MPP7: variants seen among roughly 807,000 people sequenced by gnomAD.
The protein encoded by MPP7 is MAGUK p55 scaffold protein 7, also known as MAGUK p55 subfamily member 7.
Under a neutral mutation model 76.5 loss-of-function variants are expected in MPP7, and 60 were observed. That is an observed-to-expected ratio of 0.78 (90% CI 0.64 to 0.97). The LOEUF (loss-of-function observed/expected upper bound fraction) is 0.97. Ranked by LOEUF, MPP7 falls within the 50% of genes least tolerant of loss-of-function variation. The probability of loss-of-function intolerance (pLI) is 0.00; values close to 1 mark genes in which losing one functional copy is unlikely to be tolerated. For missense variants in MPP7, 641 were observed against 694.0 expected (o/e 0.92, Z 0.86); for synonymous variants, 237 against 244.5 (o/e 0.97, Z 0.29).
intron 1 of MPP7, among the ~76,000 whole-genome samples, chr10:28,244,899 T>G (rs927280250): frequency 1.3e-5 from 2 of 152,114 alleles, no homozygotes; most frequent in Non-Finnish European, 2.9e-5. Context: ...TTGCAGGCAA[T>G]GAACTCATTC....
chr10:28,118,228 T>C lies in MPP7; in HGVS notation c.952+1423A>G, dbSNP rs566713976. The C allele has an allele frequency of 1.1e-4, 104 of 985,258 alleles. No individual in the cohort carries two copies. In the South Asian group the frequency reaches 1.9e-3, roughly 18 times the overall value. The allele number at this position is 985,258 out of a possible 1,614,324, so 61.0% of individuals were successfully genotyped here. On this transcript the variant is annotated intron_variant, in intron 11 of 16. Transcript: ENST00000683449. ...CACCTCACCTTCCTATGCATCTATA[T>C]AGAAACCAGTTTGAAAGAGCTATTA... is the stretch of plus-strand genomic sequence containing the variant.
chr10:28,240,055 G>A (rs1839213993), intron 1 of MPP7, among the ~76,000 whole-genome samples: 1 of 152,050 alleles, frequency 6.6e-6, no homozygotes, highest in Non-Finnish European at 1.5e-5. Context: ...AGGCCATCTG[G>A]TTTAAATTTG....
At chr10:28,217,537 A>AAAAAAAAAAAG (rs1554852920) in intron 2 of MPP7, among the ~76,000 whole-genome samples, 2 of 138,166 alleles carry the variant, frequency 1.4e-5, no homozygotes, top group Non-Finnish European at 3.1e-5. Flanking sequence ...AAAAAAAAAA[A>AAAAAAAAAAAG]AAAAGAAAAG....
Position 28,053,968 on chromosome 10 carries a change from A to G in MPP7, c.*97T>C, listed in dbSNP as rs184421869. The G allele has an allele frequency of 2.3e-3, 2,059 of 893,962 alleles. 7 individuals are homozygous for G. Among genetic ancestry groups the G allele is most frequent in the Non-Finnish European group, 3.1e-3 (1,746 of 555,106 alleles). The allele number at this position is 893,962 out of a possible 1,614,324, so 55.4% of individuals were successfully genotyped here. A position where few individuals can be genotyped will look rare whatever the true frequency, so the allele number is the denominator to read the frequency against. ...CAACTTGAACCAAGATTGTACATCTATGACAGTGATATAGATTTAAAAACC... is the reference window on the plus strand; with the variant it reads ...CAACTTGAACCAAGATTGTACATCTGTGACAGTGATATAGATTTAAAAACC... On this transcript the variant is annotated 3_prime_UTR_variant, in exon 17 of 17. Coordinates refer to ENST00000683449, the MANE Select transcript of MPP7 (RefSeq NM_001318170.2).
chr10:28,165,641 C>A (rs7101051), intron 3 of MPP7, among the ~76,000 whole-genome samples: 24,332 of 151,950 alleles, frequency 0.16, 2,268 homozygotes, highest in East Asian at 0.37. Flanking sequence ...CACATCAAAC[C>A]TGAAAAAACA....
intron 2 of MPP7, among the ~76,000 whole-genome samples, chr10:28,220,367 C>A (rs16928617): frequency 2.0e-5 from 3 of 152,062 alleles, no homozygotes; most frequent in Admixed American, 6.5e-5. Context: ...TGGCCTATAA[C>A]CATCCTTTCC....
At chr10:28,235,520 C>G (rs1042019465) in intron 2 of MPP7, among the ~76,000 whole-genome samples, 19 of 151,896 alleles carry the variant, frequency 1.3e-4, no homozygotes, top group African/African-American at 4.6e-4. Context: ...TAAAAATATA[C>G]ATGGAAAGGA....
At chr10:28,121,812 T>TAAA (rs35378187) in intron 8 of MPP7, among the ~76,000 whole-genome samples, 71 of 145,368 alleles carry the variant, frequency 4.9e-4, no homozygotes, top group East Asian at 2.4e-3. Context: ...TCCATTTATT[T>TAAA]AAAAAAAAAA....
At chr10:28,159,641 T>C (rs1254900074) in intron 3 of MPP7, among the ~76,000 whole-genome samples, 1 of 152,150 alleles carries the variant, frequency 6.6e-6, no homozygotes, top group Non-Finnish European at 1.5e-5. Context: ...GAGAGAGGAA[T>C]ATGTTCAGAG....
chr10:28,259,922 G>T (rs1240991028), intron 1 of MPP7, among the ~76,000 whole-genome samples: 1 of 151,968 alleles, frequency 6.6e-6, no homozygotes, highest in Admixed American at 6.6e-5. Context: ...AGTCAAGGCT[G>T]CAGTGAGCCA....
At chr10:28,219,017 A>G (rs1296269122) in intron 2 of MPP7, among the ~76,000 whole-genome samples, 6 of 152,214 alleles carry the variant, frequency 3.9e-5, no homozygotes, top group African/African-American at 4.8e-5. Flanking sequence ...ATCTAACTAT[A>G]TATCATAGAT....
At chr10:28,164,263 G>A (rs1836368446) in intron 3 of MPP7, among the ~76,000 whole-genome samples, 1 of 152,168 alleles carries the variant, frequency 6.6e-6, no homozygotes, top group African/African-American at 2.4e-5. Flanking sequence ...CTCCTGAGAG[G>A]GGAGGGAGAG....
intron 3 of MPP7, among the ~76,000 whole-genome samples, chr10:28,184,046 T>C (rs1290396267): frequency 6.6e-6 from 1 of 151,746 alleles, no homozygotes; most frequent in Non-Finnish European, 1.5e-5. Flanking sequence ...ATTATCGTCA[T>C]TTTACACTAA....
intron 1 of MPP7, among the ~76,000 whole-genome samples, chr10:28,261,554 A>G (rs964541046): frequency 7.9e-5 from 12 of 152,162 alleles, no homozygotes; most frequent in African/African-American, 2.9e-4. Context: ...GCTGACCTCC[A>G]AATACATACC....
At position 28,120,301 on chromosome 10, in the gene MPP7, A is replaced by G; in HGVS notation, c.780T>C (p.Asp260=). The change falls in exon 10 of 17, where the codon GAT becomes GAC. Residue 260 remains aspartate, a synonymous_variant. Transcript: ENST00000683449. ...CATCTTGGCTCATAATCTGAAGAAT[A>G]TCTCCCTTTTTGAAAGAAAGCCCAG... ...KEAGLSFKKG[D]ILQIMSQDDA... 6.2e-7 allele frequency: 1 copy of G among 1,614,062 alleles called. No homozygotes were observed. The highest frequency in any genetic ancestry group is 8.5e-7 in the Non-Finnish European group (1 of 1,179,962).
intron 1 of MPP7, among the ~76,000 whole-genome samples, chr10:28,286,543 G>A (rs764026318): frequency 1.4e-4 from 21 of 152,098 alleles, no homozygotes; most frequent in Admixed American, 6.5e-5. Context: ...AGATCACTGT[G>A]AGGAGCCCAC....
intron 3 of MPP7, among the ~76,000 whole-genome samples, chr10:28,190,455 G>A (rs113569684): frequency 2.0e-5 from 3 of 151,994 alleles, no homozygotes; most frequent in Non-Finnish European, 2.9e-5. Context: ...AAATCTAAAC[G>A]AACAAAAACC....
chr10:28,088,855 A>C (rs534554419), intron 12 of MPP7, among the ~76,000 whole-genome samples: 1 of 152,168 alleles, frequency 6.6e-6, no homozygotes, highest in African/African-American at 2.4e-5. Context: ...GATGTTTGTG[A>C]AAATACCCAC....
At chr10:28,097,372 G>C (rs1208739595) in intron 11 of MPP7, among the ~76,000 whole-genome samples, 1 of 152,048 alleles carries the variant, frequency 6.6e-6, no homozygotes, top group Non-Finnish European at 1.5e-5. Context: ...GGTGGTAGTG[G>C]TTGATATTTG....
Sources: gnomAD v4.1 joint callset for allele counts (sites outside exome capture counted in the v4.1 genomes callset) on GRCh38, gnomAD v4.1.1 for gene constraint, MANE v1.5 for transcripts, NCBI Gene and HGNC (gene_info 2026-07-23, HGNC 2026-07-21) for gene names.